Variants in ROR2 observed in about 807,000 individuals in gnomAD.
The protein encoded by ROR2 is ROR family WNT receptor 2.
In ROR2, 33 loss-of-function variants were observed where a neutral mutation model predicts 74.9. The ratio of observed to expected loss-of-function variants is 0.44; its 90% CI spans 0.33 to 0.59. The LOEUF (loss-of-function observed/expected upper bound fraction) is 0.59. ROR2 is among the 20% of genes least tolerant of loss of function. The probability of loss-of-function intolerance (pLI) is 0.02; values close to 1 mark genes in which losing one functional copy is unlikely to be tolerated. For synonymous variants in ROR2, 586 were observed against 558.7 expected (o/e 1.05, Z -0.69); for missense variants, 1,216 against 1,313.8 (o/e 0.93, Z 1.15).
chr9:91,812,735 T>G (rs1433721073), intron 1 of ROR2, among the ~76,000 whole-genome samples: 1 of 151,946 alleles, frequency 6.6e-6, no homozygotes, highest in South Asian at 2.1e-4. Flanking sequence ...TAAAGAAAAA[T>G]AGTTAATTTT....
chr9:91,817,788 G>T (rs1450905403), intron 1 of ROR2, among the ~76,000 whole-genome samples: 1 of 152,132 alleles, frequency 6.6e-6, no homozygotes, highest in Admixed American at 6.5e-5. Flanking sequence ...GATTTACTTA[G>T]GGAGTAAAAG....
intron 1 of ROR2, among the ~76,000 whole-genome samples, chr9:91,839,190 C>T (rs7863061): frequency 0.25 from 37,909 of 151,446 alleles, 5,174 homozygotes; most frequent in Admixed American, 0.42. Flanking sequence ...GGGTGTATTT[C>T]GTGTTTACCA....
At chr9:91,800,104 G>A (rs1306224954) in intron 1 of ROR2, among the ~76,000 whole-genome samples, 1 of 152,202 alleles carries the variant, frequency 6.6e-6, no homozygotes, top group African/African-American at 2.4e-5. Context: ...CACTTTGGGA[G>A]GCTGAAGTGG....
At chr9:91,893,827 T>C (rs1232984198) in intron 1 of ROR2, among the ~76,000 whole-genome samples, 2 of 152,166 alleles carry the variant, frequency 1.3e-5, no homozygotes, top group Non-Finnish European at 2.9e-5. Flanking sequence ...GAGAGACTTT[T>C]TACCCAAAAT....
intron 1 of ROR2, among the ~76,000 whole-genome samples, chr9:91,801,227 A>C (rs1465945359): frequency 1.3e-5 from 2 of 152,184 alleles, no homozygotes; most frequent in Non-Finnish European, 2.9e-5. Context: ...TCTTTGTTCA[A>C]TCTGGGATAG....
intron 2 of ROR2, among the ~76,000 whole-genome samples, chr9:91,775,185 C>T (rs1268189524): frequency 1.3e-5 from 2 of 152,196 alleles, no homozygotes; most frequent in Non-Finnish European, 2.9e-5. Context: ...CTGAGACAGG[C>T]TATCTGTGGC....
intron 1 of ROR2, among the ~76,000 whole-genome samples, chr9:91,881,228 A>G (rs768112468): frequency 6.6e-6 from 1 of 152,238 alleles, no homozygotes; most frequent in Non-Finnish European, 1.5e-5. Flanking sequence ...ACTTGACTAG[A>G]TAATATGCAA....
chr9:91,823,215 A>T (rs1828186736), intron 1 of ROR2, among the ~76,000 whole-genome samples: 1 of 152,236 alleles, frequency 6.6e-6, no homozygotes, highest in South Asian at 2.1e-4. Context: ...ATTTTGTTCC[A>T]TGTAAGAATG....
intron 1 of ROR2, among the ~76,000 whole-genome samples, chr9:91,790,496 G>A (rs192999431): frequency 1.3e-5 from 2 of 148,682 alleles, no homozygotes; most frequent in African/African-American, 2.5e-5. Context: ...GTGACAGAGC[G>A]AGACTCCGTC....
At chr9:91,781,408 G>A (rs1048293054) in intron 1 of ROR2, among the ~76,000 whole-genome samples, 18 of 152,158 alleles carry the variant, frequency 1.2e-4, no homozygotes, top group African/African-American at 3.6e-4. Flanking sequence ...ACGTCAGATC[G>A]AAAACACCCA....
At chr9:91,814,908 C>A (rs755164977) in intron 1 of ROR2, among the ~76,000 whole-genome samples, 2 of 152,178 alleles carry the variant, frequency 1.3e-5, no homozygotes, top group Non-Finnish European at 2.9e-5. Flanking sequence ...CTGGTTTCCA[C>A]GGGCTTAGAG....
At chr9:91,872,212 C>G (rs1192856082) in intron 1 of ROR2, among the ~76,000 whole-genome samples, 1 of 152,126 alleles carries the variant, frequency 6.6e-6, no homozygotes, top group Admixed American at 6.5e-5. Context: ...AAAGAGACTC[C>G]TCACTCTTGG....
intron 1 of ROR2, among the ~76,000 whole-genome samples, chr9:91,909,387 G>T (rs1232675914): frequency 6.6e-6 from 1 of 152,100 alleles, no homozygotes; most frequent in Admixed American, 6.5e-5. Flanking sequence ...TGGAGTCAGG[G>T]TCTCACTGTG....
At chr9:91,929,466 A>T (rs1178230915) in intron 1 of ROR2, among the ~76,000 whole-genome samples, 3 of 152,192 alleles carry the variant, frequency 2.0e-5, no homozygotes, top group Non-Finnish European at 2.9e-5. Context: ...ACCCGTGGAG[A>T]GGGGGTTCCA....
intron 3 of ROR2, 55 bp downstream of exon 3, chr9:91,757,217 G>C: frequency 6.2e-7 from 1 of 1,608,470 alleles, no homozygotes. Flanking sequence ...CCTCTTGCTC[G>C]GTGGCTGGGA....
At chr9:91,841,052 T>C (rs775732888) in intron 1 of ROR2, among the ~76,000 whole-genome samples, 1 of 152,254 alleles carries the variant, frequency 6.6e-6, no homozygotes, top group African/African-American at 2.4e-5. Flanking sequence ...AGCCAAATCA[T>C]AGACTGAAAC....
chr9:91,791,064 G>A (rs1228802383), intron 1 of ROR2, among the ~76,000 whole-genome samples: 1 of 152,168 alleles, frequency 6.6e-6, no homozygotes, highest in Non-Finnish European at 1.5e-5. Context: ...AGTGTCCAGT[G>A]TTTATAAAAT....
At chr9:91,735,148 C>T (rs1824977524) in intron 5 of ROR2, among the ~76,000 whole-genome samples, 1 of 152,180 alleles carries the variant, frequency 6.6e-6, no homozygotes, top group African/African-American at 2.4e-5. Flanking sequence ...TTCTCCTTCT[C>T]CTCACCCTGA....
chr9:91,762,977 C>T (rs960312963), intron 2 of ROR2, among the ~76,000 whole-genome samples: 7 of 152,138 alleles, frequency 4.6e-5, no homozygotes, highest in African/African-American at 7.2e-5. Context: ...GGTACTTATA[C>T]ACCATGGAAT....
Sources: allele counts gnomAD v4.1 joint callset (sites outside exome capture counted in the v4.1 genomes callset), GRCh38; gene constraint gnomAD v4.1.1; transcripts MANE v1.5; gene names NCBI Gene and HGNC (gene_info 2026-07-23, HGNC 2026-07-21).